The following CAMTA1 variants were observed in gnomAD, a reference collection of about 807,000 sequenced individuals.
The protein encoded by CAMTA1 is calmodulin-binding transcription activator 1.
In CAMTA1, 27 loss-of-function variants were observed where a neutral mutation model predicts 170.9. The observed-to-expected ratio is 0.16, with a 90% CI of 0.12 to 0.22. The LOEUF is 0.22. CAMTA1 is among the 10% of genes least tolerant of loss of function. The pLI is 1.00. For missense variants in CAMTA1, 1,619 were observed against 2,217.2 expected (o/e 0.73, Z 5.42); for synonymous variants, 833 against 891.5 (o/e 0.93, Z 1.17).
intron 5 of CAMTA1, among the ~76,000 whole-genome samples, chr1:7,461,734 G>A (rs2093093383): frequency 1.3e-5 from 2 of 152,364 alleles, no homozygotes; most frequent in East Asian, 1.9e-4. Flanking sequence ...CAGCATAAAA[G>A]GGGCTTCCCT....
chr1:7,731,875 C>T lies in CAMTA1; in HGVS notation c.2915-573C>T, dbSNP rs539991415. Among the ~76,000 whole-genome samples, 5 of 151,980 alleles carry T rather than the reference C, an allele frequency of 3.3e-5. No individual in the cohort carries two copies. The South Asian group carries it at 1.0e-3, about 32-fold the overall frequency. On this transcript the variant is annotated intron_variant, in intron 11 of 22. Coordinates refer to ENST00000303635, the MANE Select transcript of CAMTA1 (RefSeq NM_015215.4). Reference sequence around the variant, plus strand: ...TCTGGGCGACAACGTGAGACTGTCTCAAAAAAGGGTGTAACAGTCTCAGGC... The same window carrying T: ...TCTGGGCGACAACGTGAGACTGTCTTAAAAAAGGGTGTAACAGTCTCAGGC...
chr1:7,276,291 A>ATTTTTTTTTTT (rs1257658481), intron 5 of CAMTA1, among the ~76,000 whole-genome samples: 12 of 51,306 alleles, frequency 2.3e-4, no homozygotes, highest in Admixed American at 4.6e-4. Context: ...ATATATATAT[A>ATTTTTTTTTTT]TATATATATA....
intron 3 of CAMTA1, among the ~76,000 whole-genome samples, chr1:6,948,630 T>C (rs1192185700): frequency 1.3e-5 from 2 of 152,208 alleles, no homozygotes; most frequent in Admixed American, 1.3e-4. Context: ...GTGTTGATTA[T>C]CTTCCCTATG....
chr1:6,811,407 G>A (rs1307813936), intron 1 of CAMTA1, among the ~76,000 whole-genome samples: 1 of 152,092 alleles, frequency 6.6e-6, no homozygotes, highest in African/African-American at 2.4e-5. Flanking sequence ...TGTGATTTGG[G>A]TTTTTGGAGT....
chr1:7,420,670 C>T (rs74988096), intron 5 of CAMTA1, among the ~76,000 whole-genome samples: 2,639 of 152,290 alleles, frequency 0.017, 85 homozygotes, highest in African/African-American at 0.06. Context: ...GAAATCCATG[C>T]GTATAACCTC....
At chr1:7,430,145 G>A (rs560029314) in intron 5 of CAMTA1, among the ~76,000 whole-genome samples, 22 of 152,294 alleles carry the variant, frequency 1.4e-4, no homozygotes, top group African/African-American at 5.3e-4. Context: ...CAATGATGGG[G>A]ATGATGGTGG....
chr1:7,027,675 G>T (rs185322015), intron 3 of CAMTA1, among the ~76,000 whole-genome samples: 1 of 152,254 alleles, frequency 6.6e-6, no homozygotes. Flanking sequence ...GGGAAAATTG[G>T]CACGACCCCT....
intron 6 of CAMTA1, among the ~76,000 whole-genome samples, chr1:7,486,877 C>T (rs1246496936): frequency 2.6e-5 from 4 of 152,188 alleles, no homozygotes; most frequent in African/African-American, 4.8e-5. Context: ...ACAGAAGCGG[C>T]GGCTTCCCCA....
intron 6 of CAMTA1, among the ~76,000 whole-genome samples, chr1:7,569,760 C>T (rs754219389): frequency 5.9e-5 from 9 of 151,954 alleles, no homozygotes; most frequent in Non-Finnish European, 1.3e-4. Flanking sequence ...CCATCATCAT[C>T]ACCACCATCA....
rs183749323 is a variant in CAMTA1 at position 6,863,118 on chromosome 1, C to T, written c.234+37908C>T. 2.0e-3 allele frequency among the ~76,000 whole-genome samples: 301 copies of T among 152,282 alleles called. 1 individual carries two copies. The highest frequency in any genetic ancestry group is 6.7e-3 in the African/African-American group (280 of 41,558). ...TAATGATTAGCACAATCAACCAGCA[C>T]GTCCCTCACTATACGGTGTTTTACT... On this transcript the variant is annotated intron_variant, in intron 3 of 22. Transcript: ENST00000303635.
chr1:6,961,954 C>T (rs368690874), intron 3 of CAMTA1, among the ~76,000 whole-genome samples: 1 of 152,230 alleles, frequency 6.6e-6, no homozygotes, highest in African/African-American at 2.4e-5. Context: ...CTGTGCATCT[C>T]TCCCCGGCGG....
intron 4 of CAMTA1, among the ~76,000 whole-genome samples, chr1:7,114,058 T>A (rs2148403482): frequency 6.6e-6 from 1 of 152,284 alleles, no homozygotes; most frequent in South Asian, 2.1e-4. Context: ...CCATCCTCTC[T>A]CCTTGGACTT....
At chr1:7,025,427 A>C (rs975750748) in intron 3 of CAMTA1, among the ~76,000 whole-genome samples, 1 of 152,200 alleles carries the variant, frequency 6.6e-6, no homozygotes, top group Non-Finnish European at 1.5e-5. Context: ...GGAAGGAACC[A>C]TAGGATATAT....
intron 6 of CAMTA1, among the ~76,000 whole-genome samples, chr1:7,494,573 G>A (rs1013892623): frequency 1.3e-5 from 2 of 152,162 alleles, no homozygotes; most frequent in African/African-American, 4.8e-5. Context: ...GGAGGCCAAG[G>A]CAGGCGGATC....
intron 5 of CAMTA1, among the ~76,000 whole-genome samples, chr1:7,362,403 A>G (rs2085609447): frequency 1.3e-5 from 2 of 152,196 alleles, no homozygotes; most frequent in African/African-American, 4.8e-5. Flanking sequence ...CAGTTAGTAG[A>G]CTTGGGTAGA....
At position 7,580,966 on chromosome 1, in the gene CAMTA1, G is replaced by T. The variant is rs1161873096; in HGVS notation, c.511-59434G>T. ...ATAATAATAGAAAATACCCTAAAAGGTTGTTGAGAAAATGGAACGACTGCA... is the reference window on the plus strand; with the variant it reads ...ATAATAATAGAAAATACCCTAAAAGTTTGTTGAGAAAATGGAACGACTGCA... On this transcript the variant is annotated intron_variant, in intron 6 of 22. Coordinates refer to ENST00000303635, the MANE Select transcript of CAMTA1 (RefSeq NM_015215.4). This position sits in a 1 kb window ranked among gnomAD's most constrained non-coding sequence, Gnocchi z 4.3. Among the ~76,000 whole-genome samples, 1 of 152,182 alleles carries T rather than the reference G, an allele frequency of 6.6e-6. No individual in the cohort carries two copies. Among genetic ancestry groups the T allele is most frequent in the African/African-American group, 2.4e-5 (1 of 41,444 alleles).
intron 3 of CAMTA1, among the ~76,000 whole-genome samples, chr1:6,900,554 A>G (rs1676707176): frequency 6.6e-6 from 1 of 152,308 alleles, no homozygotes; most frequent in South Asian, 2.1e-4. Context: ...TGGAATCTAT[A>G]TAAAAAAAAA....
intron 6 of CAMTA1, among the ~76,000 whole-genome samples, chr1:7,536,554 CA>C (rs1196056079): frequency 6.6e-6 from 1 of 152,158 alleles, no homozygotes; most frequent in Non-Finnish European, 1.5e-5. Flanking sequence ...CAGGCCTTGA[CA>C]GGGGCTCTAG....
intron 6 of CAMTA1, among the ~76,000 whole-genome samples, chr1:7,632,894 C>T (rs1054346664): frequency 9.9e-5 from 15 of 152,254 alleles, no homozygotes; most frequent in Admixed American, 2.6e-4. Flanking sequence ...CAGAGCTCAG[C>T]TCCCCTCTGC....
Sources: gnomAD v4.1 joint callset for allele counts (sites outside exome capture counted in the v4.1 genomes callset) on GRCh38, gnomAD v4.1.1 for gene constraint, Gnocchi (gnomAD v3.1) non-coding constraint, MANE v1.5 for transcripts, NCBI Gene and HGNC (gene_info 2026-07-23, HGNC 2026-07-21) for gene names.